CERK: variants seen among roughly 807,000 people sequenced by gnomAD.
CERK encodes ceramide kinase.
A neutral mutation model predicts 63.4 loss-of-function variants in CERK; 39 were observed. The ratio of observed to expected loss-of-function variants is 0.61; its 90% CI spans 0.48 to 0.80. CERK has a LOEUF of 0.80. Ranked by LOEUF, CERK falls within the 30% of genes least tolerant of loss-of-function variation. CERK has a pLI of 0.00. For synonymous variants in CERK, 302 were observed against 280.0 expected, an observed-to-expected ratio of 1.08 and a Z score of -0.78; for missense variants, 670 against 714.1, an observed-to-expected ratio of 0.94 and a Z score of 0.70.
chr22:46,738,229 C>T lies in CERK; in HGVS notation c.-81G>A. On this transcript the variant is annotated 5_prime_UTR_variant, in exon 1 of 13. Coordinates refer to ENST00000216264, the MANE Select transcript of CERK (RefSeq NM_022766.6). ...GGACCGTTAGCGGCCCCTGCAGTGGCCCGGGCGGCGGGCGGCGGGCGGCGG... is the reference window on the plus strand; with the variant it reads ...GGACCGTTAGCGGCCCCTGCAGTGGTCCGGGCGGCGGGCGGCGGGCGGCGG... The T allele has an allele frequency of 1.8e-6, 1 of 558,490 alleles. No homozygotes were observed. Among genetic ancestry groups the T allele is most frequent in the South Asian group, 7.4e-5 (1 of 13,526 alleles). The allele number at this position is 558,490 out of a possible 1,614,324, so 34.6% of individuals were successfully genotyped here.
chr22:46,725,290 C>T (rs1237181747), intron 1 of CERK, among the ~76,000 whole-genome samples: 2 of 151,704 alleles, frequency 1.3e-5, no homozygotes, highest in Admixed American at 6.6e-5. Context: ...CAGCTCCCTG[C>T]GGGGGCTCAG....
intron 5 of CERK, among the ~76,000 whole-genome samples, chr22:46,709,713 G>A (rs1052680497): frequency 1.3e-5 from 2 of 152,212 alleles, no homozygotes; most frequent in African/African-American, 2.4e-5. Flanking sequence ...GCCAACCAAT[G>A]ACAAGGCAAT....
intron 12 of CERK, among the ~76,000 whole-genome samples, chr22:46,688,827 G>A (rs1381538395): frequency 6.6e-6 from 1 of 152,246 alleles, no homozygotes; most frequent in African/African-American, 2.4e-5. Context: ...GAAGTAGACC[G>A]AGCTCTTACC....
At chr22:46,709,609 T>G (rs1343516120) in intron 5 of CERK, among the ~76,000 whole-genome samples, 2 of 152,166 alleles carry the variant, frequency 1.3e-5, no homozygotes, top group Non-Finnish European at 2.9e-5. Context: ...TCAATAATGT[T>G]TGTGGAATGA....
chr22:46,699,270 G>A (rs754847842), intron 8 of CERK, 43 bp downstream of exon 8: 167 of 1,603,380 alleles, frequency 1.0e-4, no homozygotes, highest in Non-Finnish European at 1.4e-4. Flanking sequence ...AAGGCAGTCG[G>A]GGCACGACCA....
chr22:46,712,110 G>A, intron 4 of CERK, 58 bp downstream of exon 4: 1 of 1,593,894 alleles, frequency 6.3e-7, no homozygotes, highest in Non-Finnish European at 8.6e-7. Context: ...CGTCTCTAGT[G>A]ACTATACTTG....
At chr22:46,716,715 G>A (rs900356099) in intron 3 of CERK, among the ~76,000 whole-genome samples, 1 of 151,828 alleles carries the variant, frequency 6.6e-6, no homozygotes, top group Non-Finnish European at 1.5e-5. Context: ...GAGGCAGGTA[G>A]ATCACTTGAG....
At chr22:46,716,017 C>T (rs1380864058) in intron 3 of CERK, among the ~76,000 whole-genome samples, 2 of 151,920 alleles carry the variant, frequency 1.3e-5, no homozygotes, top group African/African-American at 4.8e-5. Flanking sequence ...AAGACCCCAG[C>T]TCTATGAAAA....
At chr22:46,736,434 C>T (rs1420847380) in intron 1 of CERK, among the ~76,000 whole-genome samples, 4 of 152,228 alleles carry the variant, frequency 2.6e-5, no homozygotes, top group Non-Finnish European at 4.4e-5. Context: ...CAGATCGGCC[C>T]CTGCATCCCT....
At position 46,691,564 on chromosome 22, in the gene CERK, C is replaced by T. The variant is rs1177856970; in HGVS notation, c.1332+8G>A. ...AGTGGAGGCTCCATGCAAGAGCACCCCACTTACCTGGTCCTGCTGGTTGGT... is the reference window on the plus strand; with the variant it reads ...AGTGGAGGCTCCATGCAAGAGCACCTCACTTACCTGGTCCTGCTGGTTGGT... On this transcript the variant is annotated splice_region_variant and intron_variant, in intron 11 of 12. Transcript: ENST00000216264. 6.2e-7 allele frequency: 1 copy of T among 1,612,122 alleles called. No homozygotes were observed. The highest frequency in any genetic ancestry group is 8.5e-7 in the Non-Finnish European group (1 of 1,178,918).
chr22:46,700,256 G>A (rs762260120), intron 7 of CERK, among the ~76,000 whole-genome samples: 8 of 151,202 alleles, frequency 5.3e-5, no homozygotes, highest in Non-Finnish European at 1.0e-4. Context: ...AGCTGGGCGT[G>A]GTGGCAGGTG....
intron 1 of CERK, among the ~76,000 whole-genome samples, chr22:46,728,324 T>G (rs1423569781): frequency 6.6e-6 from 1 of 152,118 alleles, no homozygotes; most frequent in Non-Finnish European, 1.5e-5. Context: ...AACCCCGCTC[T>G]TCCCCCCGTG....
chr22:46,688,311 T>C (rs1295183358), intron 12 of CERK, among the ~76,000 whole-genome samples: 2 of 152,246 alleles, frequency 1.3e-5, no homozygotes, highest in African/African-American at 2.4e-5. Flanking sequence ...TTTATCAAGA[T>C]AGACAGGACG....
chr22:46,722,929 G>A (rs1172773701), intron 1 of CERK, among the ~76,000 whole-genome samples: 3 of 152,208 alleles, frequency 2.0e-5, no homozygotes, highest in African/African-American at 4.8e-5. Flanking sequence ...GGAGGAAGGC[G>A]ACGTAGGGGC....
At chr22:46,710,423 G>A (rs548577581) in intron 5 of CERK, among the ~76,000 whole-genome samples, 18 of 147,478 alleles carry the variant, frequency 1.2e-4, no homozygotes, top group African/African-American at 4.1e-4. Flanking sequence ...GCGAAACTCT[G>A]CCTCAAAAAC....
intron 1 of CERK, among the ~76,000 whole-genome samples, chr22:46,736,268 T>G (rs1287296094): frequency 6.6e-6 from 1 of 152,232 alleles, no homozygotes. Context: ...GGGAGCTGGC[T>G]GGGGACGCCA....
At chr22:46,713,508 CAAA>C (rs34168827) in intron 3 of CERK, among the ~76,000 whole-genome samples, 4 of 74,290 alleles carry the variant, frequency 5.4e-5, no homozygotes, top group East Asian at 4.1e-4. Context: ...GACTTCATCT[CAAA>C]AAAAAAAAAA....
intron 1 of CERK, 46 bp from the exon 2 acceptor site, chr22:46,721,061 A>T: frequency 8.1e-7 from 1 of 1,233,848 alleles, no homozygotes; most frequent in Non-Finnish European, 1.2e-6. Context: ...GTCAGAATCC[A>T]CACAGGTAAA....
At chr22:46,700,061 C>T (rs544089745) in intron 7 of CERK, among the ~76,000 whole-genome samples, 4 of 151,484 alleles carry the variant, frequency 2.6e-5, no homozygotes, top group South Asian at 2.1e-4. Context: ...TGTACTCCAG[C>T]CTGGGCCACA....
Sources: allele counts gnomAD v4.1 joint callset (sites outside exome capture counted in the v4.1 genomes callset), GRCh38; gene constraint gnomAD v4.1.1; transcripts MANE v1.5; gene names NCBI Gene and HGNC (gene_info 2026-07-23, HGNC 2026-07-21).